The following PSMD11 variants were observed in gnomAD, a reference collection of about 807,000 sequenced individuals.
PSMD11 encodes 26S proteasome non-ATPase regulatory subunit 11.
PSMD11 carries 5 observed loss-of-function variants against 62.3 expected under a neutral mutation model. That is an observed-to-expected ratio of 0.08 (90% CI 0.04 to 0.17). The LOEUF is 0.17. PSMD11 is among the 10% of genes least tolerant of loss of function. The probability of loss-of-function intolerance (pLI) is 1.00; values close to 1 mark genes in which losing one functional copy is unlikely to be tolerated. For missense variants in PSMD11, 310 were observed against 512.9 expected, an observed-to-expected ratio of 0.60 and a Z score of 3.82; for synonymous variants, 191 against 191.8, an observed-to-expected ratio of 1.00 and a Z score of 0.03.
chr17:32,445,911 TC>T (rs748900145), intron 1 of PSMD11: 4 of 152,252 alleles, frequency 2.6e-5, no homozygotes, highest in Non-Finnish European at 5.9e-5. Flanking sequence ...GTCAGTTACT[TC>T]TACGGAACCA....
At chr17:32,473,337 C>T (rs1205384933) in intron 6 of PSMD11, among the ~76,000 whole-genome samples, 2 of 151,064 alleles carry the variant, frequency 1.3e-5, no homozygotes, top group Admixed American at 6.6e-5. Context: ...AGTGCAGTGG[C>T]GCAATCTCGG....
rs868860552 is a variant in PSMD11 at position 32,444,537 on chromosome 17, C to T, written c.14C>T (p.Ala5Val). 5.6e-6 allele frequency: 9 copies of T among 1,600,000 alleles called. No homozygotes were observed. The East Asian group carries it at 6.8e-5, about 12-fold the overall frequency. The change falls in exon 1 of 14, where the codon GCG becomes GTG. Residue 5 changes from alanine to valine, a missense_variant. Ala to Val is a moderately conservative substitution (Grantham distance 64, BLOSUM62 0). This residue lies in a region of PSMD11 where 28 missense variants were observed against 21.2 expected (regional missense o/e 1.32). Transcript: ENST00000261712. ...GAGAGCGGTAAGATGGCGGCGGCGG[C>T]GGTGGTGGAGTTCCAGAGAGCCCAG... is the stretch of plus-strand genomic sequence containing the variant. MAAA[A>V]VVEFQRAQSL... is the part of the protein sequence containing the mutation.
chr17:32,460,461 A>G (rs753839654), intron 3 of PSMD11, among the ~76,000 whole-genome samples: 4 of 152,064 alleles, frequency 2.6e-5, no homozygotes, highest in Non-Finnish European at 5.9e-5. Context: ...GCTTTTTTCT[A>G]TTTGAGGACT....
At position 32,482,912 on chromosome 17, in the gene PSMD11, T is replaced by C. The variant is rs1908547856; in HGVS notation, c.*2160T>C. 1 of 152,194 alleles carries C rather than the reference T, an allele frequency of 6.6e-6. No homozygotes were observed. The highest frequency in any genetic ancestry group is 6.5e-5 in the Admixed American group (1 of 15,282). 9.4% of individuals were successfully genotyped at this position (152,194 alleles called of 1,614,324 possible). A position where few individuals can be genotyped will look rare whatever the true frequency, so the allele number is the denominator to read the frequency against. On this transcript the variant is annotated 3_prime_UTR_variant, in exon 14 of 14. Transcript: ENST00000261712. ...AGCCATTGTCAGTTTTAGTATTGTGTCTCTGTATTTCACTTGCAGAAAGAG... is the reference window on the plus strand; with the variant it reads ...AGCCATTGTCAGTTTTAGTATTGTGCCTCTGTATTTCACTTGCAGAAAGAG...
At chr17:32,462,253 CTG>C (rs1324070180) in intron 3 of PSMD11, among the ~76,000 whole-genome samples, 3 of 152,132 alleles carry the variant, frequency 2.0e-5, no homozygotes, top group Non-Finnish European at 4.4e-5. Flanking sequence ...CTGGGTAAAA[CTG>C]TGGGGGGCAC....
chr17:32,458,167 C>T (rs988634762), intron 3 of PSMD11, among the ~76,000 whole-genome samples: 1 of 152,144 alleles, frequency 6.6e-6, no homozygotes, highest in East Asian at 1.9e-4. Context: ...ACTGTAAAAG[C>T]CTCATTCCAT....
Position 32,479,238 on chromosome 17 carries a change from G to T in PSMD11, c.913-13G>T, listed in dbSNP as rs1161892216. On this transcript the variant is annotated splice_polypyrimidine_tract_variant and intron_variant, in intron 9 of 13. Transcript: ENST00000261712. ...TTCTCTGTGCCAATCTCTGCAACTG[G>T]TTCCTTTGGCAGGCTCTGACAGATT... is the stretch of plus-strand genomic sequence containing the variant. 1 of 1,613,276 alleles carries T rather than the reference G, an allele frequency of 6.2e-7. No homozygotes were observed. The highest frequency in any genetic ancestry group is 1.7e-5 in the Admixed American group (1 of 59,894).
At chr17:32,458,818 C>T (rs1043931500) in intron 3 of PSMD11, among the ~76,000 whole-genome samples, 6 of 152,172 alleles carry the variant, frequency 3.9e-5, no homozygotes, top group Non-Finnish European at 7.4e-5. Flanking sequence ...TTGCTGTCAG[C>T]TTGATCTTAA....
chr17:32,450,455 C>T (rs1423826913), intron 2 of PSMD11, among the ~76,000 whole-genome samples: 9 of 139,046 alleles, frequency 6.5e-5, no homozygotes, highest in Middle Eastern at 7.8e-3. Context: ...TTAGTAGAGA[C>T]GAGGTTTCAC....
At position 32,480,959 on chromosome 17, in the gene PSMD11, G is replaced by T; in HGVS notation, c.*207G>T. 4.7e-6 allele frequency: 1 copy of T among 213,076 alleles called. No individual in the cohort carries two copies. The highest frequency in any genetic ancestry group is 5.8e-5 in the Admixed American group (1 of 17,208). The allele number at this position is 213,076 out of a possible 1,614,324, so 13.2% of individuals were successfully genotyped here. A position where few individuals can be genotyped will look rare whatever the true frequency, so the allele number is the denominator to read the frequency against. On this transcript the variant is annotated 3_prime_UTR_variant, in exon 14 of 14. Transcript: ENST00000261712. ...GGCCCAACTTGGGAGTGGGGAAATT[G>T]CTTAAAAAAAAAGAAAAAGAAAAAA...
At chr17:32,478,187 T>C (rs542518228) in intron 9 of PSMD11, among the ~76,000 whole-genome samples, 5 of 152,328 alleles carry the variant, frequency 3.3e-5, no homozygotes, top group African/African-American at 9.6e-5. Flanking sequence ...ATATAGTCTT[T>C]CCTGAACCTC....
At chr17:32,444,743 C>A in intron 1 of PSMD11, 129 bp downstream of exon 1, 2 of 1,196,368 alleles carry the variant, frequency 1.7e-6, no homozygotes, top group Non-Finnish European at 1.2e-6. Flanking sequence ...GGGGCCGGGC[C>A]GGGGGCGCAG....
At chr17:32,463,190 C>T (rs1296326994) in intron 3 of PSMD11, among the ~76,000 whole-genome samples, 1 of 152,196 alleles carries the variant, frequency 6.6e-6, no homozygotes, top group Admixed American at 6.5e-5. Flanking sequence ...GTCAGGGATA[C>T]CTGATGGCGT....
intron 6 of PSMD11, among the ~76,000 whole-genome samples, chr17:32,470,242 C>G (rs1359962416): frequency 4.0e-5 from 6 of 151,594 alleles, no homozygotes; most frequent in Non-Finnish European, 7.4e-5. Context: ...TGGGCTCAAG[C>G]AATTTTCCCA....
Position 32,467,577 on chromosome 17 carries a change from C to G in PSMD11, c.449-1422C>G, listed in dbSNP as rs186039208. 2.2e-4 allele frequency among the ~76,000 whole-genome samples: 34 copies of G among 152,250 alleles called. No homozygotes were observed. The East Asian group carries it at 4.4e-3, about 20-fold the overall frequency. ...ATATGTATGTCTTCAGATAAATATT[C>G]AGATCCTTTGCTTATTTTTTAATTG... On this transcript the variant is annotated intron_variant, in intron 5 of 13. Transcript: ENST00000261712.
intron 2 of PSMD11, among the ~76,000 whole-genome samples, chr17:32,451,244 G>A (rs1404403628): frequency 6.6e-6 from 1 of 152,200 alleles, no homozygotes; most frequent in Admixed American, 6.5e-5. Flanking sequence ...GCTAGCAGGT[G>A]TTAGAAAGGC....
Position 32,468,033 on chromosome 17 carries a change from CAAGTGAGAACATGTGG to C in PSMD11, c.449-965_449-950del, listed in dbSNP as rs1404389592. 9.9e-5 allele frequency among the ~76,000 whole-genome samples: 15 copies of C among 152,260 alleles called. No individual in the cohort carries two copies. In the South Asian group the frequency reaches 3.1e-3, roughly 32 times the overall value. Reference sequence around the variant, plus strand: ...ATTCTCATCATTTAGCTCCCACTTACAAGTGAGAACATGTGGTATTTGGTTTTCTCTTCCTATTTTA... The same window carrying C: ...ATTCTCATCATTTAGCTCCCACTTACTATTTGGTTTTCTCTTCCTATTTTA... On this transcript the variant is annotated intron_variant, in intron 5 of 13. Transcript: ENST00000261712.
chr17:32,461,454 C>T (rs1480934366), intron 3 of PSMD11, among the ~76,000 whole-genome samples: 1 of 151,816 alleles, frequency 6.6e-6, no homozygotes, highest in Admixed American at 6.6e-5. Flanking sequence ...GCCTGCAATC[C>T]CAGCTACTCA....
intron 3 of PSMD11, among the ~76,000 whole-genome samples, chr17:32,461,254 T>A (rs1907832092): frequency 6.6e-6 from 1 of 152,012 alleles, no homozygotes; most frequent in African/African-American, 2.4e-5. Flanking sequence ...ATTTTTTGTA[T>A]TTTTCGTAGA....
Sources: allele counts gnomAD v4.1 joint callset (sites outside exome capture counted in the v4.1 genomes callset), GRCh38; gene constraint gnomAD v4.1.1; regional missense constraint gnomAD v4.1.1; transcripts MANE v1.5; gene names NCBI Gene and HGNC (gene_info 2026-07-23, HGNC 2026-07-21).